The following MAP3K7CL variants were observed in gnomAD, a reference collection of about 807,000 sequenced individuals.
The protein encoded by MAP3K7CL is MAP3K7 C-terminal like.
Under a neutral mutation model 18.6 loss-of-function variants are expected in MAP3K7CL, and 16 were observed. That is an observed-to-expected ratio of 0.86 (90% CI 0.58 to 1.31). The LOEUF is 1.31. MAP3K7CL is among the 50% of genes most tolerant of loss of function. MAP3K7CL has a pLI of 0.00. For synonymous variants in MAP3K7CL, 65 were observed against 66.8 expected, an observed-to-expected ratio of 0.97 and a Z score of 0.13; for missense variants, 163 against 174.4, an observed-to-expected ratio of 0.93 and a Z score of 0.37.
At chr21:29,092,661 T>G in intron 4 of MAP3K7CL, 1 of 1,543,208 alleles carries the variant, frequency 6.5e-7, no homozygotes, top group Non-Finnish European at 8.9e-7. Flanking sequence ...CTAAGGCTGG[T>G]TGGGCAGCAC....
intron 4 of MAP3K7CL, among the ~76,000 whole-genome samples, chr21:29,104,131 T>G (rs1041760657): frequency 6.6e-6 from 1 of 152,200 alleles, no homozygotes; most frequent in African/African-American, 2.4e-5. Flanking sequence ...TTTTTGTTTG[T>G]TTGGTTTTTT....
intron 1 of MAP3K7CL, among the ~76,000 whole-genome samples, chr21:29,086,775 G>A (rs557825167): frequency 6.6e-6 from 1 of 152,236 alleles, no homozygotes; most frequent in South Asian, 2.1e-4. Flanking sequence ...TTGACCCTGA[G>A]TTTTAAAGTA....
chr21:29,148,096 T>C (rs2087182745), intron 2 of MAP3K7CL, among the ~76,000 whole-genome samples: 1 of 152,056 alleles, frequency 6.6e-6, no homozygotes, highest in African/African-American at 2.4e-5. Context: ...CTATTATATA[T>C]GTATGTGTAG....
chr21:29,091,517 G>T (rs985284592), exon 2 of MAP3K7CL: 1 of 697,196 alleles, frequency 1.4e-6, no homozygotes, highest in South Asian at 1.5e-5. Flanking sequence ...GCTCTGTCAC[G>T]CAGGCTGGAA....
intron 4 of MAP3K7CL, among the ~76,000 whole-genome samples, chr21:29,105,446 C>G (rs973409380): frequency 4.6e-5 from 7 of 152,160 alleles, no homozygotes; most frequent in African/African-American, 1.7e-4. Context: ...GAGGAGCTTC[C>G]TGCTTAGTTA....
At chr21:29,166,074 C>T (rs958606544) in intron 4 of MAP3K7CL, among the ~76,000 whole-genome samples, 4 of 152,180 alleles carry the variant, frequency 2.6e-5, no homozygotes, top group Admixed American at 6.5e-5. Flanking sequence ...TACAGTCACC[C>T]TACTGTGCAG....
At chr21:29,161,948 C>T (rs772195063) in intron 4 of MAP3K7CL, among the ~76,000 whole-genome samples, 17 of 152,128 alleles carry the variant, frequency 1.1e-4, no homozygotes, top group Non-Finnish European at 2.1e-4. Flanking sequence ...CTTTTGGCTA[C>T]AGGGGATTAA....
intron 4 of MAP3K7CL, chr21:29,109,210 GTATT>G (rs775713750): frequency 6.5e-7 from 1 of 1,535,382 alleles, no homozygotes; most frequent in South Asian, 1.2e-5. Context: ...GGGTGGGTAA[GTATT>G]AAGTGCTATG....
intron 4 of MAP3K7CL, among the ~76,000 whole-genome samples, chr21:29,167,196 T>C (rs1194982380): frequency 2.0e-5 from 3 of 152,250 alleles, no homozygotes; most frequent in Non-Finnish European, 2.9e-5. Flanking sequence ...ATTTCTATCT[T>C]TTCTTGGAGA....
Position 29,144,011 on chromosome 21 carries a change from G to T in MAP3K7CL, c.71-5178G>T, listed in dbSNP as rs574839766. ...ATGGCCACTCCTTTACTCTATGATT[G>T]CCTTATGATTTTGGTGTTGAAATGT... On this transcript the variant is annotated intron_variant, in intron 2 of 4. Coordinates refer to ENST00000399928, the MANE Select transcript of MAP3K7CL (RefSeq NM_001286620.2). Among the ~76,000 whole-genome samples, 12 of 152,088 alleles carry T rather than the reference G, an allele frequency of 7.9e-5. No individual in the cohort carries two copies. The South Asian group carries it at 2.3e-3, about 29-fold the overall frequency.
chr21:29,096,145 C>G (rs913598727), intron 4 of MAP3K7CL, among the ~76,000 whole-genome samples: 2 of 152,132 alleles, frequency 1.3e-5, no homozygotes, highest in African/African-American at 4.8e-5. Context: ...TTAGTGTCTA[C>G]CAGCTTAGTT....
intron 4 of MAP3K7CL, among the ~76,000 whole-genome samples, chr21:29,111,943 T>TAAA (rs1241262094): frequency 1.3e-5 from 2 of 152,190 alleles, no homozygotes; most frequent in Non-Finnish European, 2.9e-5. Flanking sequence ...AAACCCAGAC[T>TAAA]TTGTATTGCC....
chr21:29,096,231 G>A (rs531691475), intron 4 of MAP3K7CL, among the ~76,000 whole-genome samples: 2 of 152,110 alleles, frequency 1.3e-5, no homozygotes, highest in Non-Finnish European at 2.9e-5. Flanking sequence ...AACACCATTC[G>A]TTTACTTGTT....
intron 1 of MAP3K7CL, among the ~76,000 whole-genome samples, chr21:29,079,879 T>C (rs1221811193): frequency 6.6e-6 from 1 of 152,244 alleles, no homozygotes; most frequent in Non-Finnish European, 1.5e-5. Flanking sequence ...ATTACCATTC[T>C]AAGAGGGAAG....
intron 4 of MAP3K7CL, among the ~76,000 whole-genome samples, chr21:29,162,226 T>C (rs1451567389): frequency 6.6e-6 from 1 of 151,946 alleles, no homozygotes; most frequent in Admixed American, 6.6e-5. Flanking sequence ...GATAGAAAAA[T>C]CCTCAGTAAT....
chr21:29,090,070 A>G (rs1261080196), intron 1 of MAP3K7CL, among the ~76,000 whole-genome samples: 3 of 152,238 alleles, frequency 2.0e-5, no homozygotes, highest in African/African-American at 7.2e-5. Context: ...TGATGACAGC[A>G]GTAGATGCAG....
upstream of MAP3K7CL, among the ~76,000 whole-genome samples, chr21:29,083,947 A>G (rs888875678): frequency 2.7e-5 from 4 of 147,030 alleles, no homozygotes; most frequent in African/African-American, 7.5e-5. Context: ...TAATCATTTA[A>G]TATTATAATA....
intron 2 of MAP3K7CL, among the ~76,000 whole-genome samples, chr21:29,141,086 C>T (rs1474527187): frequency 6.6e-6 from 1 of 152,172 alleles, no homozygotes; most frequent in African/African-American, 2.4e-5. Flanking sequence ...CCAATAAGTT[C>T]TTCTTGAGGC....
intron 1 of MAP3K7CL, chr21:29,091,385 C>A: frequency 7.6e-6 from 4 of 523,258 alleles, no homozygotes; most frequent in East Asian, 3.2e-5. Context: ...ATTTTTAAGT[C>A]ACTCTAGTTC....
Sources: gnomAD v4.1 joint callset for allele counts (sites outside exome capture counted in the v4.1 genomes callset) on GRCh38, gnomAD v4.1.1 for gene constraint, MANE v1.5 for transcripts, NCBI Gene and HGNC (gene_info 2026-07-23, HGNC 2026-07-21) for gene names.